The following AFF1 variants were observed in gnomAD, a reference collection of about 807,000 sequenced individuals.
AFF1 encodes ALF transcription elongation factor 1.
In AFF1, 48 loss-of-function variants were observed where a neutral mutation model predicts 121.7. That is an observed-to-expected ratio of 0.39 (90% CI 0.31 to 0.50). The LOEUF (loss-of-function observed/expected upper bound fraction) is 0.50, where lower values mean the gene tolerates loss of function less well. Ranked by LOEUF, AFF1 falls within the 20% of genes least tolerant of loss-of-function variation. The probability of loss-of-function intolerance (pLI) is 0.76; values close to 1 mark genes in which losing one functional copy is unlikely to be tolerated. For missense variants in AFF1, 1,523 were observed against 1,511.7 expected, an observed-to-expected ratio of 1.01 and a Z score of -0.12; for synonymous variants, 613 against 563.0, an observed-to-expected ratio of 1.09 and a Z score of -1.26.
chr4:87,000,603 C>CTGTGTGTGTGTG (rs777829987), intron 2 of AFF1, among the ~76,000 whole-genome samples: 79 of 76,804 alleles, frequency 1.0e-3, no homozygotes, highest in Non-Finnish European at 1.5e-3. Context: ...AAAAAATAAA[C>CTGTGTGTGTGTG]TCTGTGTGTG....
intron 4 of AFF1, among the ~76,000 whole-genome samples, chr4:87,067,872 A>G (rs1167331088): frequency 6.6e-6 from 1 of 152,188 alleles, no homozygotes; most frequent in Non-Finnish European, 1.5e-5. Context: ...TGCTCAGTAG[A>G]CTTTTATGCT....
At chr4:87,053,378 A>G (rs1329176091) in intron 4 of AFF1, among the ~76,000 whole-genome samples, 1 of 152,158 alleles carries the variant, frequency 6.6e-6, no homozygotes, top group African/African-American at 2.4e-5. Context: ...TGAGCCTCCT[A>G]TTTTCAATAA....
intron 2 of AFF1, among the ~76,000 whole-genome samples, chr4:87,029,998 A>G (rs1251741024): frequency 2.0e-5 from 3 of 152,202 alleles, no homozygotes; most frequent in Non-Finnish European, 4.4e-5. Flanking sequence ...ATAATTAGAG[A>G]TAAGAATGGA....
chr4:87,022,638 GTATATATGTGTGTGTA>G (rs1167226017), intron 2 of AFF1, among the ~76,000 whole-genome samples: 4 of 66,646 alleles, frequency 6.0e-5, no homozygotes, highest in East Asian at 5.6e-4. Context: ...ATATGTGCGT[GTATATATGTGTGTGTA>G]TATATATGTG....
chr4:86,963,963 G>GT (rs3035477), intron 2 of AFF1, among the ~76,000 whole-genome samples: 8,714 of 104,312 alleles, frequency 0.084, 466 homozygotes, highest in African/African-American at 0.13. Flanking sequence ...GACTAGACTG[G>GT]TTTTTTTTTT....
chr4:86,955,356 T>G lies in AFF1; in HGVS notation c.38+6785T>G, dbSNP rs562069229. On this transcript the variant is annotated intron_variant, in intron 2 of 20. Coordinates refer to ENST00000395146, the MANE Select transcript of AFF1 (RefSeq NM_001166693.3). Reference sequence around the variant, plus strand: ...AATAAATTGTTCAAACGCCAAATTTTAAATTGCTTCATCTTTGAATAGTGC... The same window carrying G: ...AATAAATTGTTCAAACGCCAAATTTGAAATTGCTTCATCTTTGAATAGTGC... Among the ~76,000 whole-genome samples, 64 of 152,256 alleles carry G rather than the reference T, an allele frequency of 4.2e-4. 1 individual carries two copies. The highest frequency in any genetic ancestry group is 6.6e-4 in the Non-Finnish European group (45 of 68,050).
chr4:86,959,780 G>T (rs541586296), intron 2 of AFF1, among the ~76,000 whole-genome samples: 3 of 152,166 alleles, frequency 2.0e-5, no homozygotes, highest in Non-Finnish European at 4.4e-5. Flanking sequence ...TTGGGAAAGG[G>T]GCATTCTGGG....
chr4:87,125,207 G>A (rs111965220), intron 13 of AFF1, 64 bp downstream of exon 13: 13 of 1,262,290 alleles, frequency 1.0e-5, no homozygotes, highest in Non-Finnish European at 1.3e-5. Context: ...TCTTGACATA[G>A]CAAAGAAATT....
At chr4:86,981,707 G>A (rs182671614) in intron 2 of AFF1, among the ~76,000 whole-genome samples, 4 of 152,164 alleles carry the variant, frequency 2.6e-5, no homozygotes, top group South Asian at 2.1e-4. Context: ...CCCCCAACAC[G>A]GTGGTTCAGA....
rs34782481 is a variant in AFF1, at chr4:87,138,546, CTG to C, written c.*2847_*2848del. The C allele has an allele frequency of 0.4, 92,109 of 231,718 alleles. 19,163 individuals carry two copies. The highest frequency in any genetic ancestry group is 0.53 in the Middle Eastern group (417 of 782). The allele number at this position is 231,718 out of a possible 1,614,324, so 14.4% of individuals were successfully genotyped here. On this transcript the variant is annotated 3_prime_UTR_variant, in exon 21 of 21. Coordinates refer to ENST00000395146, the MANE Select transcript of AFF1 (RefSeq NM_001166693.3). ...GTCTTTAGTAGGAAATGGAAGAACA[CTG>C]TTTTATTTTTTAAAGTGTTTAATGT... is the stretch of plus-strand genomic sequence containing the variant.
chr4:87,133,170 ATTATCT>A (rs771050725), intron 19 of AFF1, among the ~76,000 whole-genome samples: 13 of 152,230 alleles, frequency 8.5e-5, no homozygotes, highest in Middle Eastern at 3.2e-3. Context: ...AATGAAAATG[ATTATCT>A]TTAGCAAAAT....
intron 4 of AFF1, among the ~76,000 whole-genome samples, chr4:87,067,910 A>G (rs984866558): frequency 1.2e-4 from 18 of 152,194 alleles, no homozygotes; most frequent in African/African-American, 4.1e-4. Context: ...TTATTTCTCT[A>G]TCAGTGTGCT....
intron 2 of AFF1, among the ~76,000 whole-genome samples, chr4:86,957,854 G>A (rs931480915): frequency 6.6e-6 from 1 of 151,872 alleles, no homozygotes; most frequent in Non-Finnish European, 1.5e-5. Context: ...GAGCCACTGC[G>A]CCTAGCCTGA....
At chr4:87,029,807 ACACACAC>A (rs1728890018) in intron 2 of AFF1, among the ~76,000 whole-genome samples, 1 of 152,232 alleles carries the variant, frequency 6.6e-6, no homozygotes, top group Non-Finnish European at 1.5e-5. Flanking sequence ...ACTTCCATCA[ACACACAC>A]TTCACAACAC....
chr4:87,125,504 T>C (rs1728144727), intron 13 of AFF1, among the ~76,000 whole-genome samples: 1 of 152,166 alleles, frequency 6.6e-6, no homozygotes, highest in Non-Finnish European at 1.5e-5. Context: ...GAATTCTTAC[T>C]GTGTGTTGGA....
intron 2 of AFF1, among the ~76,000 whole-genome samples, chr4:86,978,339 A>G (rs1723472477): frequency 6.6e-6 from 1 of 151,434 alleles, no homozygotes; most frequent in Admixed American, 6.6e-5. Flanking sequence ...GCGTGCCACC[A>G]TGCCCAGCTG....
At chr4:87,062,907 T>C (rs17012343) in intron 4 of AFF1, among the ~76,000 whole-genome samples, 3,063 of 152,150 alleles carry the variant, frequency 0.02, 111 homozygotes, top group African/African-American at 0.07. Flanking sequence ...AGATGAGGCT[T>C]TTAGGCATTA....
intron 2 of AFF1, among the ~76,000 whole-genome samples, chr4:87,019,887 G>GGGT (rs58095717): frequency 0.43 from 59,483 of 138,440 alleles, 15,584 homozygotes; most frequent in South Asian, 0.65. Context: ...AAGGGGTCGG[G>GGGT]GGGGGGCAGT....
rs34387408 is a variant in AFF1, at chr4:87,138,028, G to GTTT, written c.*2338_*2340dup. 1.1e-4 allele frequency: 23 copies of GTTT among 211,998 alleles called. No individual in the cohort carries two copies. Among genetic ancestry groups the GTTT allele is most frequent in the Middle Eastern group, 1.4e-3 (1 of 718 alleles). The allele number at this position is 211,998 out of a possible 1,614,324, so 13.1% of individuals were successfully genotyped here. On this transcript the variant is annotated 3_prime_UTR_variant, in exon 21 of 21. Transcript: ENST00000395146. ...TTTTCAGTGGCCTTACTCTTTGTGG[G>GTTT]TTTTTTTTTTTTTCTCTGAACTTGA...
Sources: allele counts gnomAD v4.1 joint callset (sites outside exome capture counted in the v4.1 genomes callset), GRCh38; gene constraint gnomAD v4.1.1; transcripts MANE v1.5; gene names NCBI Gene and HGNC (gene_info 2026-07-23, HGNC 2026-07-21).